Variants in TRMT11 observed in about 807,000 individuals in gnomAD.
TRMT11 encodes tRNA (guanine(10)-N(2))-methyltransferase TRMT11.
In TRMT11, 53 loss-of-function variants were observed where a neutral mutation model predicts 62.8. The observed-to-expected ratio is 0.84, with a 90% CI of 0.68 to 1.06. TRMT11 has a LOEUF of 1.06. Ranked by LOEUF, TRMT11 falls within the 50% of genes least tolerant of loss-of-function variation. The probability of loss-of-function intolerance (pLI) is 0.00; values close to 1 mark genes in which losing one functional copy is unlikely to be tolerated. For synonymous variants in TRMT11, 188 were observed against 190.3 expected (o/e 0.99, Z 0.10); for missense variants, 556 against 553.4 (o/e 1.00, Z -0.05).
intron 17 of TRMT11, among the ~76,000 whole-genome samples, chr6:126,087,830 A>G (rs771629837): frequency 2.2e-4 from 34 of 152,322 alleles, no homozygotes; most frequent in Non-Finnish European, 4.9e-4. Context: ...GTTTCTGCAA[A>G]TCCTACCACT....
downstream of TRMT11, among the ~76,000 whole-genome samples, chr6:126,202,907 A>AT (rs1189998246): frequency 1.3e-5 from 2 of 151,944 alleles, no homozygotes; most frequent in Admixed American, 6.6e-5. Context: ...AATTAGGATG[A>AT]TTTTTTTTCC....
chr6:126,174,944 A>G (rs1778368471), upstream of TRMT11, among the ~76,000 whole-genome samples: 1 of 152,362 alleles, frequency 6.6e-6, no homozygotes, highest in South Asian at 2.1e-4. Flanking sequence ...CTTGATGATA[A>G]CAACCAAAGC....
chr6:126,078,771 G>C (rs1777091881), intron 17 of TRMT11, among the ~76,000 whole-genome samples: 1 of 152,178 alleles, frequency 6.6e-6, no homozygotes, highest in East Asian at 1.9e-4. Flanking sequence ...TTTGAAGTTT[G>C]AGTGCTCTTG....
chr6:126,025,437 AAAC>A (rs1441783703), intron 12 of TRMT11, among the ~76,000 whole-genome samples: 12 of 152,330 alleles, frequency 7.9e-5, no homozygotes, highest in South Asian at 4.1e-4. Flanking sequence ...TGATTTAAAA[AAAC>A]AACAACAAGG....
At chr6:126,210,739 TGTTACTTTCAA>T in the TRMT11 span, among the ~76,000 whole-genome samples, 10 of 152,350 alleles carry the variant, frequency 6.6e-5, no homozygotes, top group South Asian at 1.9e-3. Flanking sequence ...AACTTATGTT[TGTTACTTTCAA>T]GCAAAATTCA....
intron 3 of TRMT11, 44 bp downstream of exon 3, chr6:125,996,084 C>A: frequency 7.8e-7 from 1 of 1,283,218 alleles, no homozygotes; most frequent in Non-Finnish European, 1.1e-6. Context: ...ACTGGTACTT[C>A]TCATAACCAC....
At chr6:126,078,009 A>G (rs1777069507) in intron 17 of TRMT11, among the ~76,000 whole-genome samples, 1 of 152,172 alleles carries the variant, frequency 6.6e-6, no homozygotes, top group African/African-American at 2.4e-5. Context: ...GAATATGGGT[A>G]GCTCTGTGCT....
intron 11 of TRMT11, 68 bp downstream of exon 11, chr6:126,013,169 C>T: frequency 7.2e-7 from 1 of 1,398,396 alleles, no homozygotes; most frequent in Non-Finnish European, 9.8e-7. Context: ...GTATAATTTT[C>T]TCTTTATCTC....
At chr6:126,031,892 C>T (rs1257643417) in intron 12 of TRMT11, among the ~76,000 whole-genome samples, 1 of 151,994 alleles carries the variant, frequency 6.6e-6, no homozygotes, top group African/African-American at 2.4e-5. Context: ...TGAGGGGGCT[C>T]CTGGAATAGT....
rs890818193 is a variant in TRMT11, at chr6:126,038,904, T to C, written c.*68T>C. 1.4e-5 allele frequency: 19 copies of C among 1,313,264 alleles called. No homozygotes were observed. Among genetic ancestry groups the C allele is most frequent in the Non-Finnish European group, 1.9e-5 (18 of 957,910 alleles). The allele number at this position is 1,313,264 out of a possible 1,614,324, so 81.4% of individuals were successfully genotyped here. ...TAAAAAGACATCTGGATGTGAACTT[T>C]CATGTATGATCCAGAAAATAGGTAC... On this transcript the variant is annotated 3_prime_UTR_variant, in exon 13 of 13. Coordinates refer to ENST00000334379, the MANE Select transcript of TRMT11 (RefSeq NM_001031712.3).
At chr6:126,217,889 G>A in the TRMT11 span, among the ~76,000 whole-genome samples, 1 of 152,086 alleles carries the variant, frequency 6.6e-6, no homozygotes, top group African/African-American at 2.4e-5. Context: ...TGGGAGCCAG[G>A]GCCTGGAGTC....
intron 21 of TRMT11, among the ~76,000 whole-genome samples, chr6:126,158,147 A>G (rs1270556668): frequency 6.6e-6 from 1 of 152,168 alleles, no homozygotes; most frequent in African/African-American, 2.4e-5. Context: ...TTGAACATTT[A>G]TATAAGTCCA....
At chr6:126,036,060 A>G (rs1297851547) in intron 12 of TRMT11, among the ~76,000 whole-genome samples, 1 of 152,068 alleles carries the variant, frequency 6.6e-6, no homozygotes, top group Non-Finnish European at 1.5e-5. Flanking sequence ...CCTCCTTACT[A>G]CTGCAGTTCT....
intron 1 of TRMT11, among the ~76,000 whole-genome samples, chr6:126,189,848 T>C (rs954302615): frequency 2.6e-5 from 4 of 152,110 alleles, no homozygotes; most frequent in South Asian, 4.1e-4. Flanking sequence ...AAGTTATTTA[T>C]TTCAGAAGAA....
At chr6:126,167,008 G>A (rs1562338839) in intron 21 of TRMT11, among the ~76,000 whole-genome samples, 3 of 152,274 alleles carry the variant, frequency 2.0e-5, no homozygotes, top group South Asian at 4.1e-4. Context: ...GTGCTGTGCT[G>A]GCAGCAAGAA....
At chr6:126,228,544 T>G in the TRMT11 span, among the ~76,000 whole-genome samples, 3 of 152,162 alleles carry the variant, frequency 2.0e-5, no homozygotes, top group Non-Finnish European at 2.9e-5. Context: ...GTGATCCTCC[T>G]CAGGTGCTCA....
chr6:126,028,677 A>G lies in TRMT11; in HGVS notation c.1260+7397A>G, dbSNP rs112334918. 1.1e-3 allele frequency among the ~76,000 whole-genome samples: 175 copies of G among 152,232 alleles called. 1 individual carries two copies. Among genetic ancestry groups the G allele is most frequent in the African/African-American group, 4.1e-3 (169 of 41,566 alleles). On this transcript the variant is annotated intron_variant, in intron 12 of 12. Transcript: ENST00000334379. ...CTTTTATACTTAGGCAAATAAAATG[A>G]TTTTGTCAAACGGGATTTTTAAAGT...
intron 17 of TRMT11, among the ~76,000 whole-genome samples, chr6:126,089,182 TG>T (rs563552204): frequency 1.9e-3 from 288 of 151,998 alleles, no homozygotes; most frequent in Non-Finnish European, 2.4e-3. Flanking sequence ...GGCGCGATCT[TG>T]GCTCACTGCA....
In TRMT11 at chr6:126,017,266, T is replaced by C. The variant is rs140508352; in HGVS notation, c.1140-3894T>C. On this transcript the variant is annotated intron_variant, in intron 11 of 12. Coordinates refer to ENST00000334379, the MANE Select transcript of TRMT11 (RefSeq NM_001031712.3). ...ATTTACTCTCAGCCAAACCCTGTTA[T>C]ATGATTCAAGTTACACATTATAACC... Among the ~76,000 whole-genome samples the C allele has an allele frequency of 3.3e-3, 506 of 152,314 alleles. 2 individuals carry two copies. Among genetic ancestry groups the C allele is most frequent in the African/African-American group, 0.011 (462 of 41,576 alleles).
Sources: gnomAD v4.1 joint callset for allele counts (sites outside exome capture counted in the v4.1 genomes callset) on GRCh38, gnomAD v4.1.1 for gene constraint, MANE v1.5 for transcripts, NCBI Gene and HGNC (gene_info 2026-07-23, HGNC 2026-07-21) for gene names.